KCNJ6: variants seen among roughly 807,000 people sequenced by gnomAD.
The protein encoded by KCNJ6 is potassium inwardly rectifying channel subfamily J member 6.
In KCNJ6, 9 loss-of-function variants were observed where a neutral mutation model predicts 34.2. The ratio of observed to expected loss-of-function variants is 0.26; its 90% confidence interval spans 0.16 to 0.46. KCNJ6 has a LOEUF of 0.46. Ranked by LOEUF, KCNJ6 falls within the 20% of genes least tolerant of loss-of-function variation. The pLI is 1.00. For synonymous variants in KCNJ6, 196 were observed against 207.1 expected, an observed-to-expected ratio of 0.95 and a Z score of 0.46; for missense variants, 236 against 531.3, an observed-to-expected ratio of 0.44 and a Z score of 5.46.
Position 37,726,576 on chromosome 21 carries a change from A to ACACAC in KCNJ6, c.26-11446_26-11445insGTGTG, listed in dbSNP as rs1207773934. Among the ~76,000 whole-genome samples, 5 of 152,202 alleles carry ACACAC rather than the reference A, an allele frequency of 3.3e-5. No homozygotes were observed. The East Asian group carries it at 9.6e-4, about 29-fold the overall frequency. ...TACTTTGCAAATATTGCCATCTTAC[A>ACACAC]GTAATGTGTGCATGTTTGTGAATGT... On this transcript the variant is annotated intron_variant, in intron 2 of 3. Transcript: ENST00000609713.
chr21:37,836,735 G>A (rs1277862977), intron 2 of KCNJ6, among the ~76,000 whole-genome samples: 2 of 152,136 alleles, frequency 1.3e-5, no homozygotes, highest in Non-Finnish European at 2.9e-5. Flanking sequence ...ACCAGGGCCT[G>A]TCAGGGGTTG....
At chr21:37,707,880 C>T in intron 3 of KCNJ6, among the ~76,000 whole-genome samples, 1 of 151,724 alleles carries the variant, frequency 6.6e-6, no homozygotes, top group Non-Finnish European at 1.5e-5. Context: ...TAAGGATATG[C>T]TAATTAGAGA....
intron 2 of KCNJ6, among the ~76,000 whole-genome samples, chr21:37,746,034 C>T (rs1406454411): frequency 2.6e-5 from 4 of 152,202 alleles, no homozygotes; most frequent in Non-Finnish European, 5.9e-5. Flanking sequence ...CACCTATTCA[C>T]GCCCACATGG....
intron 1 of KCNJ6, among the ~76,000 whole-genome samples, chr21:37,853,711 T>G (rs2055548505): frequency 2.0e-5 from 3 of 151,738 alleles, no homozygotes; most frequent in African/African-American, 7.3e-5. Flanking sequence ...ATTCTTAATA[T>G]ATGTAGAGGA....
intron 1 of KCNJ6, among the ~76,000 whole-genome samples, chr21:37,864,312 T>C (rs191653452): frequency 6.6e-6 from 1 of 152,150 alleles, no homozygotes; most frequent in Admixed American, 6.5e-5. Context: ...AGGTTTCACG[T>C]GTTGGCCAGG....
rs572923961 is a variant in KCNJ6 at position 37,883,708 on chromosome 21, T to C, written c.-28+32176A>G. On this transcript the variant is annotated intron_variant, in intron 1 of 3. Transcript: ENST00000609713. ...CTGTCACTTTCTGATTGTTTAGTGCTTGGAAAGTCATGTCACTACTCTGGA... is the reference window on the plus strand; with the variant it reads ...CTGTCACTTTCTGATTGTTTAGTGCCTGGAAAGTCATGTCACTACTCTGGA... Among the ~76,000 whole-genome samples, 6 of 152,342 alleles carry C rather than the reference T, an allele frequency of 3.9e-5. No individual in the cohort carries two copies. The South Asian group carries it at 1.2e-3, about 32-fold the overall frequency.
At chr21:37,835,125 G>T (rs1047816457) in intron 2 of KCNJ6, among the ~76,000 whole-genome samples, 6 of 152,196 alleles carry the variant, frequency 3.9e-5, no homozygotes, top group African/African-American at 1.2e-4. Flanking sequence ...CAGAAAGCAA[G>T]AGGAAGCCAA....
chr21:37,697,440 A>G (rs987081825), intron 3 of KCNJ6, among the ~76,000 whole-genome samples: 1 of 152,218 alleles, frequency 6.6e-6, no homozygotes, highest in African/African-American at 2.4e-5. Flanking sequence ...GAGTATTCCC[A>G]ATGTGTGTTT....
intron 3 of KCNJ6, among the ~76,000 whole-genome samples, chr21:37,637,722 A>G (rs1481083637): frequency 6.6e-6 from 1 of 152,232 alleles, no homozygotes; most frequent in East Asian, 1.9e-4. Context: ...ATATGACTGT[A>G]TCTGGAGAAC....
intron 2 of KCNJ6, among the ~76,000 whole-genome samples, chr21:37,737,279 G>C (rs1238736399): frequency 2.0e-5 from 3 of 152,158 alleles, no homozygotes; most frequent in Non-Finnish European, 4.4e-5. Flanking sequence ...GTGCTTATCA[G>C]TCATTTATTC....
chr21:37,877,857 T>C (rs1373512322), intron 1 of KCNJ6, among the ~76,000 whole-genome samples: 1 of 152,232 alleles, frequency 6.6e-6, no homozygotes. Context: ...ATATTGTCTG[T>C]CTCTTTTTCT....
intron 2 of KCNJ6, among the ~76,000 whole-genome samples, chr21:37,781,929 C>A (rs568961262): frequency 6.6e-6 from 1 of 152,244 alleles, no homozygotes; most frequent in African/African-American, 2.4e-5. Context: ...CCAAAGACGT[C>A]CACATCCCAA....
intron 2 of KCNJ6, among the ~76,000 whole-genome samples, chr21:37,794,393 A>G (rs539559487): frequency 3.9e-5 from 6 of 152,240 alleles, no homozygotes; most frequent in South Asian, 4.1e-4. Flanking sequence ...TAAAATGGGC[A>G]TAATAAAAAT....
chr21:37,810,979 A>G (rs1171597091), intron 2 of KCNJ6, among the ~76,000 whole-genome samples: 2 of 152,180 alleles, frequency 1.3e-5, no homozygotes, highest in African/African-American at 2.4e-5. Flanking sequence ...GGAACTGATC[A>G]TCAGAGAGAT....
intron 2 of KCNJ6, among the ~76,000 whole-genome samples, chr21:37,718,486 ATTAGTCTGGGGTTAAT>A (rs1242344820): frequency 1.3e-5 from 2 of 152,220 alleles, no homozygotes; most frequent in African/African-American, 4.8e-5. Flanking sequence ...TTTGTAATGA[ATTAGTCTGGGGTTAAT>A]TAAATGCTTG....
At chr21:37,853,846 G>GTGTGTGTATATATATATATATATATA (rs71198897) in intron 1 of KCNJ6, among the ~76,000 whole-genome samples, 12 of 115,992 alleles carry the variant, frequency 1.0e-4, no homozygotes, top group African/African-American at 4.4e-4. Context: ...ATATATATAT[G>GTGTGTGTATATATATATATATATATA]TATATATATA....
intron 2 of KCNJ6, among the ~76,000 whole-genome samples, chr21:37,790,745 A>AGAAT (rs1469437798): frequency 1.3e-5 from 2 of 152,226 alleles, no homozygotes; most frequent in South Asian, 2.1e-4. Flanking sequence ...ATCTTGCCAG[A>AGAAT]GAATGTCTTC....
intron 1 of KCNJ6, among the ~76,000 whole-genome samples, chr21:37,891,360 C>G (rs1483669490): frequency 6.6e-6 from 1 of 152,058 alleles, no homozygotes; most frequent in African/African-American, 2.4e-5. Flanking sequence ...AACACACAGG[C>G]ACACATGCAC....
rs1176579275 is a variant in KCNJ6 at position 37,613,693 on chromosome 21, T to G, written c.*11466A>C. The G allele has an allele frequency of 1.3e-5, 2 of 152,220 alleles. No individual in the cohort carries two copies. The highest frequency in any genetic ancestry group is 4.8e-5 in the African/African-American group (2 of 41,452). The allele number at this position is 152,220 out of a possible 1,614,324, so 9.4% of individuals were successfully genotyped here. ...AGGCTGCGTACTGCATGAGTCCAAT[T>G]ATATGCCATTCTGGAAAAGGCAAAA... On this transcript the variant is annotated 3_prime_UTR_variant, in exon 4 of 4. Coordinates refer to ENST00000609713, the MANE Select transcript of KCNJ6 (RefSeq NM_002240.5).
Sources: gnomAD v4.1 joint callset for allele counts (sites outside exome capture counted in the v4.1 genomes callset) on GRCh38, gnomAD v4.1.1 for gene constraint, MANE v1.5 for transcripts, NCBI Gene and HGNC (gene_info 2026-07-23, HGNC 2026-07-21) for gene names.